Variants in SNX13 observed in about 807,000 individuals in gnomAD.
SNX13 encodes sorting nexin-13.
SNX13 carries 45 observed loss-of-function variants against 133.6 expected under a neutral mutation model. That is an observed-to-expected ratio of 0.34 (90% CI 0.27 to 0.43). The LOEUF (loss-of-function observed/expected upper bound fraction) is 0.43. SNX13 is among the 20% of genes least tolerant of loss of function. The pLI, the probability that SNX13 is intolerant of heterozygous loss-of-function variation, is 1.00. For missense variants in SNX13, 1,032 were observed against 1,145.1 expected (o/e 0.90, Z 1.43); for synonymous variants, 414 against 373.9 (o/e 1.11, Z -1.24).
At chr7:17,836,452 G>A (rs187731205) in intron 13 of SNX13, among the ~76,000 whole-genome samples, 5 of 152,104 alleles carry the variant, frequency 3.3e-5, no homozygotes, top group Non-Finnish European at 7.4e-5. Context: ...GGGATGCAAA[G>A]GGTGCAGTGA....
intron 1 of SNX13, among the ~76,000 whole-genome samples, chr7:17,902,387 T>G (rs1046578635): frequency 6.6e-6 from 1 of 152,100 alleles, no homozygotes; most frequent in African/African-American, 2.4e-5. Flanking sequence ...GTTAATCTAT[T>G]ACAACAGTTA....
chr7:17,791,428 G>C lies in SNX13; in HGVS notation c.*2617C>G, dbSNP rs1351621658. On this transcript the variant is annotated 3_prime_UTR_variant, in exon 26 of 26. Transcript: ENST00000428135. ...TAAGGCTAACCAAGTGCATCCATTG[G>C]TCAATGGCACAATTGATTTCAGCAA... 1 of 150,770 alleles carries C rather than the reference G, an allele frequency of 6.6e-6. No homozygotes were observed. Among genetic ancestry groups the C allele is most frequent in the Non-Finnish European group, 1.5e-5 (1 of 67,646 alleles). 9.3% of individuals were successfully genotyped at this position (150,770 alleles called of 1,614,324 possible). A position where few individuals can be genotyped will look rare whatever the true frequency, so the allele number is the denominator to read the frequency against.
At chr7:17,827,972 A>G (rs2723556) in intron 16 of SNX13, among the ~76,000 whole-genome samples, 85,245 of 151,414 alleles carry the variant, frequency 0.56, 24,511 homozygotes, top group East Asian at 0.72. Flanking sequence ...TTTTTTTAAA[A>G]AAGCATTATT....
At chr7:17,883,185 A>G (rs1469147981) in intron 5 of SNX13, among the ~76,000 whole-genome samples, 1 of 152,226 alleles carries the variant, frequency 6.6e-6, no homozygotes, top group Admixed American at 6.5e-5. Flanking sequence ...AATGCTTCAA[A>G]GAGATTCCAA....
At chr7:17,850,526 A>G in intron 10 of SNX13, 91 bp from the exon 11 acceptor site, 1 of 732,308 alleles carries the variant, frequency 1.4e-6, no homozygotes, top group Non-Finnish European at 2.1e-6. Context: ...CAAAATAACC[A>G]ATAATACAGC....
chr7:17,911,637 CAA>C (rs77578497), intron 1 of SNX13, among the ~76,000 whole-genome samples: 59,915 of 118,468 alleles, frequency 0.51, 12,904 homozygotes, highest in South Asian at 0.66. Context: ...GACTCTGTCT[CAA>C]AAAAAAAAAA....
intron 9 of SNX13, among the ~76,000 whole-genome samples, chr7:17,856,471 A>T (rs1351775510): frequency 1.3e-5 from 2 of 152,184 alleles, no homozygotes; most frequent in Non-Finnish European, 2.9e-5. Context: ...ATGTAAGTGG[A>T]CTAAATTCTC....
intron 2 of SNX13, among the ~76,000 whole-genome samples, chr7:17,896,986 A>G (rs1289828039): frequency 6.6e-6 from 1 of 152,132 alleles, no homozygotes; most frequent in Non-Finnish European, 1.5e-5. Flanking sequence ...TGCAGTCTCA[A>G]TTTAACTTAC....
At chr7:17,815,549 C>T (rs1480751739) in intron 19 of SNX13, among the ~76,000 whole-genome samples, 2 of 152,154 alleles carry the variant, frequency 1.3e-5, no homozygotes, top group Non-Finnish European at 2.9e-5. Flanking sequence ...TGCATCACTG[C>T]ACTCCAGCCT....
At position 17,847,126 on chromosome 7, in the gene SNX13, G is replaced by C. The variant is rs78026182; in HGVS notation, c.1066-1432C>G. Among the ~76,000 whole-genome samples, 782 of 152,220 alleles carry C rather than the reference G, an allele frequency of 5.1e-3. 6 individuals are homozygous for C. The highest frequency in any genetic ancestry group is 0.017 in the African/African-American group (722 of 41,532). On this transcript the variant is annotated intron_variant, in intron 11 of 25. Coordinates refer to ENST00000428135, the MANE Select transcript of SNX13 (RefSeq NM_015132.5). ...GAAAGATCACTACCTCTGAGATCTA[G>C]ATAAGGAAGTAGTTAAAGAAAAGCA... is the stretch of plus-strand genomic sequence containing the variant.
chr7:17,907,579 T>A (rs1193510256), intron 1 of SNX13, among the ~76,000 whole-genome samples: 1 of 152,124 alleles, frequency 6.6e-6, no homozygotes, highest in African/African-American at 2.4e-5. Flanking sequence ...ATTGCACACC[T>A]GCAAGGCAAT....
intron 24 of SNX13, 139 bp from the exon 25 acceptor site, chr7:17,797,078 A>T: frequency 1.5e-6 from 1 of 663,416 alleles, no homozygotes; most frequent in Non-Finnish European, 2.5e-6. Context: ...TATAGCTATA[A>T]TGATATTCAA....
intron 5 of SNX13, among the ~76,000 whole-genome samples, chr7:17,883,486 T>C (rs1050933652): frequency 1.3e-5 from 2 of 152,364 alleles, no homozygotes; most frequent in South Asian, 2.1e-4. Context: ...ACATTTCTTC[T>C]ATAGTGAAAT....
At chr7:17,821,680 T>C (rs770354559) in intron 17 of SNX13, 32 bp from the exon 18 acceptor site, 2 of 1,561,696 alleles carry the variant, frequency 1.3e-6, no homozygotes, top group East Asian at 4.6e-5. Flanking sequence ...AGTCAGCATA[T>C]ACTAATCATT....
intron 9 of SNX13, among the ~76,000 whole-genome samples, chr7:17,867,921 T>C (rs1463016346): frequency 6.6e-6 from 1 of 152,124 alleles, no homozygotes; most frequent in Non-Finnish European, 1.5e-5. Flanking sequence ...CTTTGATATG[T>C]CTGACAGAAG....
At position 17,839,939 on chromosome 7, in the gene SNX13, G is replaced by A. The variant is rs565459231; in HGVS notation, c.1227C>T (p.Tyr409=). 10 of 1,611,756 alleles carry A rather than the reference G, an allele frequency of 6.2e-6. No homozygotes were observed. The highest frequency in any genetic ancestry group is 8.5e-6 in the Non-Finnish European group (10 of 1,178,632). ...CTAGCTGCTGTTGGGCGGTAACCCG[G>A]TATCCTTCCACTGTCATCCAAAAGA... ...HLFFWMTVEG[Y]RVTAQQQLEV... is the part of the protein sequence containing the mutation. The change falls in exon 13 of 26, where the codon TAC becomes TAT. Residue 409 remains tyrosine (Y), a synonymous_variant. Coordinates refer to ENST00000428135, the MANE Select transcript of SNX13 (RefSeq NM_015132.5).
At chr7:17,933,938 C>T (rs1048066594) in intron 1 of SNX13, among the ~76,000 whole-genome samples, 5 of 152,092 alleles carry the variant, frequency 3.3e-5, no homozygotes, top group African/African-American at 1.2e-4. Flanking sequence ...CAATTTTACA[C>T]AGAAGGAAAT....
chr7:17,891,752 C>A (rs1796654718), intron 3 of SNX13, 117 bp from the exon 4 acceptor site: 4 of 640,818 alleles, frequency 6.2e-6, no homozygotes, highest in Middle Eastern at 3.2e-4. Context: ...AAATAAATAA[C>A]CTTATTTGAG....
chr7:17,845,645 A>G lies in SNX13; in HGVS notation c.1115T>C (p.Val372Ala). Residue 372 changes from valine to alanine, a missense_variant, in exon 12 of 26, where the codon GTC (valine) becomes GCC (alanine). Transcript: ENST00000428135. ...LAANFGKLCT[V>A]PLDSILVDNV... ...GTCTACAAGAATGCTGTCCAGGGGGACTGTGCAAAGTTTCCCAAAGTTTGC... is the reference window on the plus strand; with the variant it reads ...GTCTACAAGAATGCTGTCCAGGGGGGCTGTGCAAAGTTTCCCAAAGTTTGC... 1 of 1,603,142 alleles carries G rather than the reference A, an allele frequency of 6.2e-7. No individual in the cohort carries two copies. The highest frequency in any genetic ancestry group is 8.5e-7 in the Non-Finnish European group (1 of 1,174,954).
Sources: allele counts gnomAD v4.1 joint callset (sites outside exome capture counted in the v4.1 genomes callset), GRCh38; gene constraint gnomAD v4.1.1; transcripts MANE v1.5; gene names NCBI Gene and HGNC (gene_info 2026-07-23, HGNC 2026-07-21).